LMNB1: variants seen among roughly 807,000 people sequenced by gnomAD.
LMNB1 encodes lamin B1.
A neutral mutation model predicts 67.1 loss-of-function variants in LMNB1; 23 were observed. That is an observed-to-expected ratio of 0.34 (90% CI 0.25 to 0.49). The LOEUF is 0.49. LMNB1 is among the 20% of genes least tolerant of loss of function. The pLI is 0.99. For missense variants in LMNB1, 634 were observed against 746.5 expected (o/e 0.85, Z 1.76); for synonymous variants, 281 against 282.9 (o/e 0.99, Z 0.07).
rs372984423 is a variant in LMNB1, at chr5:126,811,770, T to C, written c.814-3T>C. ...ACTGACTATGCTTTGCTTCTTCTTTTAGCTTGAGAATGCCAGACTGTCATC... is the reference window on the plus strand; with the variant it reads ...ACTGACTATGCTTTGCTTCTTCTTTCAGCTTGAGAATGCCAGACTGTCATC... On this transcript the variant is annotated splice_region_variant and splice_polypyrimidine_tract_variant and intron_variant, in intron 4 of 10. Coordinates refer to ENST00000261366, the MANE Select transcript of LMNB1 (RefSeq NM_005573.4). 1.5e-4 allele frequency: 242 copies of C among 1,600,180 alleles called. No individual in the cohort carries two copies. Among genetic ancestry groups the C allele is most frequent in the Non-Finnish European group, 2.0e-4 (230 of 1,169,048 alleles).
intron 10 of LMNB1, among the ~76,000 whole-genome samples, chr5:126,833,167 A>G (rs1369647829): frequency 6.6e-6 from 1 of 152,244 alleles, no homozygotes; most frequent in Non-Finnish European, 1.5e-5. Context: ...AAGAATCTGC[A>G]TATAAACTTT....
intron 2 of LMNB1, among the ~76,000 whole-genome samples, chr5:126,805,186 T>G (rs754524358): frequency 5.9e-5 from 9 of 152,222 alleles, no homozygotes; most frequent in Non-Finnish European, 1.2e-4. Flanking sequence ...CACACACTCA[T>G]TCTGTCTCTG....
At chr5:126,830,022 TG>T (rs1377903675) in intron 9 of LMNB1, among the ~76,000 whole-genome samples, 1 of 129,888 alleles carries the variant, frequency 7.7e-6, no homozygotes, top group African/African-American at 2.9e-5. Context: ...TGGAAACTTT[TG>T]TATATGCAAA....
intron 3 of LMNB1, among the ~76,000 whole-genome samples, chr5:126,806,563 C>G (rs1304141694): frequency 6.6e-6 from 1 of 152,138 alleles, no homozygotes; most frequent in South Asian, 2.1e-4. Context: ...CTTCATAGGG[C>G]TGCTCATGAT....
intron 3 of LMNB1, 72 bp downstream of exon 3, chr5:126,805,768 T>A: frequency 9.7e-7 from 1 of 1,028,332 alleles, no homozygotes; most frequent in Non-Finnish European, 1.4e-6. Context: ...GCTAAACATG[T>A]AATTATATTT....
chr5:126,782,752 G>A (rs1750661431), intron 1 of LMNB1, among the ~76,000 whole-genome samples: 1 of 151,898 alleles, frequency 6.6e-6, no homozygotes, highest in Non-Finnish European at 1.5e-5. Flanking sequence ...GTTTCACCAT[G>A]TTGGCCAGGA....
intron 1 of LMNB1, among the ~76,000 whole-genome samples, chr5:126,778,175 C>A (rs1014376695): frequency 6.6e-6 from 1 of 152,088 alleles, no homozygotes; most frequent in African/African-American, 2.4e-5. Flanking sequence ...CTTTCGCACT[C>A]GAATCCGGGG....
At position 126,822,013 on chromosome 5, in the gene LMNB1, C is replaced by CTTTTT. The variant is rs34781275; in HGVS notation, c.1387-758_1387-754dup. Among the ~76,000 whole-genome samples the CTTTTT allele has an allele frequency of 1.4e-3, 200 of 141,540 alleles. 2 individuals are homozygous for CTTTTT. Among genetic ancestry groups the CTTTTT allele is most frequent in the African/African-American group, 5.1e-3 (195 of 38,220 alleles). 92.9% of individuals were successfully genotyped at this position (141,540 alleles called of 152,430 possible). A position where few individuals can be genotyped will look rare whatever the true frequency, so the allele number is the denominator to read the frequency against. On this transcript the variant is annotated intron_variant, in intron 7 of 10. Coordinates refer to ENST00000261366, the MANE Select transcript of LMNB1 (RefSeq NM_005573.4). ...ATAGGCTCTAAGGTCTCTTTGTAGC[C>CTTTTT]TTTTTTTTTTTTTTGAGTCTTGCTC...
rs968170424 is a variant in LMNB1, at chr5:126,836,540, T to C, written c.*276T>C. ...CTCAAATTTTTTGACTTTTTTTGTA[T>C]GTGTGTTTTTTCTTTTTTTTTAAGT... On this transcript the variant is annotated 3_prime_UTR_variant, in exon 11 of 11. Transcript: ENST00000261366. The C allele has an allele frequency of 8.3e-6, 3 of 359,814 alleles. No homozygotes were observed. Among genetic ancestry groups the C allele is most frequent in the Non-Finnish European group, 1.5e-5 (3 of 203,554 alleles). 22.3% of individuals were successfully genotyped at this position (359,814 alleles called of 1,614,324 possible).
intron 1 of LMNB1, among the ~76,000 whole-genome samples, chr5:126,779,612 A>C (rs7732759): frequency 0.079 from 12,052 of 152,310 alleles, 557 homozygotes; most frequent in Non-Finnish European, 0.11. Flanking sequence ...TAAAATGTCA[A>C]ACAGGGCCGG....
chr5:126,836,365 T>G lies in LMNB1; in HGVS notation c.*101T>G. On this transcript the variant is annotated 3_prime_UTR_variant, in exon 11 of 11. Transcript: ENST00000261366. ...GCACAGAATATTTTTATATTTCCTT[T>G]ATGTGAATTTTTAAGCTGCAAATCT... is the stretch of plus-strand genomic sequence containing the variant. 1.2e-6 allele frequency: 1 copy of G among 849,806 alleles called. No individual in the cohort carries two copies. The highest frequency in any genetic ancestry group is 1.9e-6 in the Non-Finnish European group (1 of 528,638). The allele number at this position is 849,806 out of a possible 1,614,324, so 52.6% of individuals were successfully genotyped here. A position where few individuals can be genotyped will look rare whatever the true frequency, so the allele number is the denominator to read the frequency against.
intron 1 of LMNB1, among the ~76,000 whole-genome samples, chr5:126,799,220 G>A (rs1751200050): frequency 6.6e-6 from 1 of 152,086 alleles, no homozygotes; most frequent in African/African-American, 2.4e-5. Context: ...GGGTTTCACC[G>A]TGTTAGCCAG....
At position 126,784,014 on chromosome 5, in the gene LMNB1, A is replaced by ATTTTT. The variant is rs61578729; in HGVS notation, c.359+6170_359+6174dup. Reference sequence around the variant, plus strand: ...GAGATTGTGCTTTGGCTGTCATTTGATTTTTTTTTTTTTTTTTTTTTTTTT... The same window carrying ATTTTT: ...GAGATTGTGCTTTGGCTGTCATTTGATTTTTTTTTTTTTTTTTTTTTTTTTTTTTT... On this transcript the variant is annotated intron_variant, in intron 1 of 10. Transcript: ENST00000261366. Among the ~76,000 whole-genome samples the ATTTTT allele has an allele frequency of 6.7e-4, 40 of 59,448 alleles. 2 individuals are homozygous for ATTTTT. The highest frequency in any genetic ancestry group is 1.9e-3 in the African/African-American group (26 of 14,046). 39.0% of individuals were successfully genotyped at this position (59,448 alleles called of 152,430 possible).
chr5:126,822,434 A>G (rs1287524594), intron 7 of LMNB1, among the ~76,000 whole-genome samples: 1 of 152,224 alleles, frequency 6.6e-6, no homozygotes, highest in Non-Finnish European at 1.5e-5. Flanking sequence ...AAGTAATCCA[A>G]TACTTGATGT....
intron 1 of LMNB1, among the ~76,000 whole-genome samples, chr5:126,785,063 T>C (rs1004543375): frequency 6.6e-6 from 1 of 151,614 alleles, no homozygotes; most frequent in Admixed American, 6.6e-5. Flanking sequence ...CACTGCAATC[T>C]CTGCCTCCCG....
chr5:126,790,704 C>G (rs1000526083), intron 1 of LMNB1, among the ~76,000 whole-genome samples: 1 of 151,908 alleles, frequency 6.6e-6, no homozygotes, highest in African/African-American at 2.4e-5. Flanking sequence ...TTTCTACAGT[C>G]TAGTTGTATT....
rs547110692 is a variant in LMNB1 at position 126,822,667 on chromosome 5, A to T, written c.1387-114A>T. Reference sequence around the variant, plus strand: ...TAGTAGGAAAACCTGAAATGTGGGAAGATGACCATAAAGCGGTCTTAGTTT... The same window carrying T: ...TAGTAGGAAAACCTGAAATGTGGGATGATGACCATAAAGCGGTCTTAGTTT... On this transcript the variant is annotated intron_variant, in intron 7 of 10. Coordinates refer to ENST00000261366, the MANE Select transcript of LMNB1 (RefSeq NM_005573.4). 3 of 581,728 alleles carry T rather than the reference A, an allele frequency of 5.2e-6. No individual in the cohort carries two copies. In the South Asian group the frequency reaches 7.3e-5, roughly 14 times the overall value. 36.0% of individuals were successfully genotyped at this position (581,728 alleles called of 1,614,324 possible).
At chr5:126,832,849 A>G in intron 10 of LMNB1, 48 bp downstream of exon 10, 1 of 1,258,442 alleles carries the variant, frequency 7.9e-7, no homozygotes, top group Non-Finnish European at 1.1e-6. Context: ...TTATTCACAG[A>G]ATTACATGAA....
intron 9 of LMNB1, among the ~76,000 whole-genome samples, chr5:126,826,994 G>A (rs951530853): frequency 3.3e-5 from 5 of 152,292 alleles, no homozygotes; most frequent in Non-Finnish European, 5.9e-5. Context: ...GAAGCCATTG[G>A]TCATAACCTT....
Sources: allele counts gnomAD v4.1 joint callset (sites outside exome capture counted in the v4.1 genomes callset), GRCh38; gene constraint gnomAD v4.1.1; transcripts MANE v1.5; gene names NCBI Gene and HGNC (gene_info 2026-07-23, HGNC 2026-07-21).